Variants in AACS observed in about 807,000 individuals in gnomAD.
AACS encodes acetoacetate-CoA ligase.
AACS carries 69 observed loss-of-function variants against 83.1 expected under a neutral mutation model. That is an observed-to-expected ratio of 0.83 (90% CI 0.68 to 1.01). AACS has a LOEUF of 1.01. Among genes scored for constraint, AACS ranks in the 50% least tolerant of loss-of-function variants. The probability of loss-of-function intolerance (pLI) is 0.00; values close to 1 mark genes in which losing one functional copy is unlikely to be tolerated. For synonymous variants in AACS, 333 were observed against 343.4 expected (o/e 0.97, Z 0.33); for missense variants, 866 against 882.2 (o/e 0.98, Z 0.23).
chr12:125,134,157 AG>A, intron 15 of AACS, 85 bp downstream of exon 15: 1 of 1,443,638 alleles, frequency 6.9e-7, no homozygotes, highest in South Asian at 1.2e-5. Flanking sequence ...TTTCTATAAA[AG>A]TCAGTGACCC....
At chr12:125,118,590 G>A (rs370811190) in intron 9 of AACS, 51 bp from the exon 10 acceptor site, 2 of 1,603,868 alleles carry the variant, frequency 1.2e-6, no homozygotes, top group African/African-American at 1.3e-5. Flanking sequence ...GGGCAGCGCT[G>A]GGGGGAGCTG....
chr12:125,083,531 C>T (rs1015776183), intron 3 of AACS, among the ~76,000 whole-genome samples: 3 of 151,738 alleles, frequency 2.0e-5, no homozygotes, highest in Admixed American at 6.6e-5. Context: ...TCTTTGATAA[C>T]GGGTGGTTGA....
rs1321690078 is a variant in AACS at position 125,142,347 on chromosome 12, G to A, written c.*118G>A. 1.4e-6 allele frequency: 2 copies of A among 1,403,076 alleles called. No individual in the cohort carries two copies. Among genetic ancestry groups the A allele is most frequent in the East Asian group, 2.4e-5 (1 of 40,920 alleles). The allele number at this position is 1,403,076 out of a possible 1,614,324, so 86.9% of individuals were successfully genotyped here. A position where few individuals can be genotyped will look rare whatever the true frequency, so the allele number is the denominator to read the frequency against. ...AAAGGATGCTCGCACCAAGTGTTCT[G>A]TAGGCTTGGGGAGGGATCGTTTCTC... On this transcript the variant is annotated 3_prime_UTR_variant, in exon 18 of 18. Transcript: ENST00000316519.
At chr12:125,133,970 CG>C in intron 14 of AACS, 32 bp from the exon 15 acceptor site, 1 of 1,612,924 alleles carries the variant, frequency 6.2e-7, no homozygotes, top group Non-Finnish European at 8.5e-7. Context: ...CCCTTCTCCT[CG>C]GGATGACCGG....
intron 9 of AACS, among the ~76,000 whole-genome samples, chr12:125,115,095 T>G (rs1431182972): frequency 6.6e-6 from 1 of 152,054 alleles, no homozygotes; most frequent in Non-Finnish European, 1.5e-5. Flanking sequence ...AAACCATAAC[T>G]CAACTCAAGG....
intron 5 of AACS, among the ~76,000 whole-genome samples, chr12:125,093,582 C>T (rs532903109): frequency 1.3e-5 from 2 of 152,318 alleles, no homozygotes; most frequent in South Asian, 2.1e-4. Context: ...ACCGCCTCCC[C>T]GAGCCACCTC....
intron 10 of AACS, chr12:125,121,497 A>G (rs571880881): frequency 1.3e-5 from 2 of 152,246 alleles, no homozygotes; most frequent in African/African-American, 4.8e-5. Flanking sequence ...GATTACCAGC[A>G]TGTCAGCTCT....
chr12:125,072,024 A>C (rs968229948), intron 1 of AACS, among the ~76,000 whole-genome samples: 1 of 151,722 alleles, frequency 6.6e-6, no homozygotes, highest in African/African-American at 2.4e-5. Flanking sequence ...CACCTAGCTA[A>C]TTTTTTGTAT....
intron 1 of AACS, among the ~76,000 whole-genome samples, chr12:125,072,885 T>G (rs77545011): frequency 0.041 from 6,188 of 149,480 alleles, 447 homozygotes; most frequent in African/African-American, 0.14. Context: ...TGTTGTGGAA[T>G]AAAAGGAGGG....
intron 9 of AACS, 31 bp from the exon 10 acceptor site, chr12:125,118,610 C>A (rs765950276): frequency 6.2e-7 from 1 of 1,612,494 alleles, no homozygotes. Context: ...GCCTAGCGCC[C>A]GCTGAAGCCG....
At chr12:125,070,894 C>G (rs534661697) in intron 1 of AACS, among the ~76,000 whole-genome samples, 26 of 152,352 alleles carry the variant, frequency 1.7e-4, no homozygotes, top group Non-Finnish European at 3.2e-4. Flanking sequence ...GCAGCTGTTC[C>G]CAGTTCTAGC....
chr12:125,127,447 T>A (rs1957264679), intron 12 of AACS: 1 of 152,168 alleles, frequency 6.6e-6, no homozygotes, highest in South Asian at 2.1e-4. Context: ...TTTGTTTTGT[T>A]TGTTTGTTTG....
intron 5 of AACS, among the ~76,000 whole-genome samples, chr12:125,099,921 C>T (rs182681394): frequency 5.9e-5 from 9 of 152,326 alleles, no homozygotes; most frequent in Admixed American, 3.3e-4. Flanking sequence ...AGTGATCTGC[C>T]GGCCTCAGCC....
At chr12:125,087,248 G>A (rs969891507) in intron 4 of AACS, among the ~76,000 whole-genome samples, 1 of 152,250 alleles carries the variant, frequency 6.6e-6, no homozygotes, top group Non-Finnish European at 1.5e-5. Flanking sequence ...GGGCTGGAAT[G>A]TGTAGACCTT....
At chr12:125,112,678 C>CAAAAAA (rs56314902) in intron 8 of AACS, among the ~76,000 whole-genome samples, 1 of 108,432 alleles carries the variant, frequency 9.2e-6, no homozygotes. Flanking sequence ...GACTCTGTCT[C>CAAAAAA]AAAAAAAAAA....
intron 1 of AACS, among the ~76,000 whole-genome samples, chr12:125,070,018 C>G (rs1255082145): frequency 6.6e-6 from 1 of 152,154 alleles, no homozygotes; most frequent in Non-Finnish European, 1.5e-5. Flanking sequence ...CGGATTTATT[C>G]CTTGTCTATG....
chr12:125,125,091 C>A, intron 12 of AACS, 67 bp downstream of exon 12: 2 of 1,601,150 alleles, frequency 1.2e-6, no homozygotes, highest in South Asian at 1.1e-5. Context: ...CACACCTCTG[C>A]CCAGTGCTTG....
rs1409484991 is a variant in AACS, at chr12:125,129,943, C to T, written c.1549+483C>T. Reference sequence around the variant, plus strand: ...TGGAAGCATTTACAACCCGACACGTCACTCTCACATAGACTGACACCCTTG... The same window carrying T: ...TGGAAGCATTTACAACCCGACACGTTACTCTCACATAGACTGACACCCTTG... On this transcript the variant is annotated intron_variant, in intron 14 of 17. Transcript: ENST00000316519. The surrounding 1 kb of genome is among the most constrained non-coding windows in gnomAD (Gnocchi z 4.3). 6.6e-6 allele frequency among the ~76,000 whole-genome samples: 1 copy of T among 151,860 alleles called. No individual in the cohort carries two copies. The highest frequency in any genetic ancestry group is 1.5e-5 in the Non-Finnish European group (1 of 67,942).
At chr12:125,118,553 G>A in intron 9 of AACS, 88 bp from the exon 10 acceptor site, 1 of 1,556,192 alleles carries the variant, frequency 6.4e-7, no homozygotes, top group Non-Finnish European at 8.7e-7. Context: ...ATCTTAGGTG[G>A]TTTCCCAGGG....
Sources: allele counts gnomAD v4.1 joint callset (sites outside exome capture counted in the v4.1 genomes callset), GRCh38; gene constraint gnomAD v4.1.1; non-coding constraint Gnocchi (gnomAD v3.1); transcripts MANE v1.5; gene names NCBI Gene and HGNC (gene_info 2026-07-23, HGNC 2026-07-21).